CAMK2D: variants seen among roughly 807,000 people sequenced by gnomAD.
The protein encoded by CAMK2D is calcium/calmodulin-dependent protein kinase type II subunit delta.
In CAMK2D, 37 loss-of-function variants were observed where a neutral mutation model predicts 84.0. The ratio of observed to expected loss-of-function variants is 0.44; its 90% CI spans 0.34 to 0.58. The LOEUF (loss-of-function observed/expected upper bound fraction) is 0.58. Among genes scored for constraint, CAMK2D ranks in the 20% least tolerant of loss-of-function variants. CAMK2D has a pLI of 0.02. For synonymous variants in CAMK2D, 202 were observed against 212.5 expected (o/e 0.95, Z 0.43); for missense variants, 448 against 652.5 (o/e 0.69, Z 3.41).
intron 2 of CAMK2D, among the ~76,000 whole-genome samples, chr4:113,756,006 TTA>T (rs912598671): frequency 2.0e-5 from 3 of 151,992 alleles, no homozygotes; most frequent in East Asian, 1.9e-4. Context: ...ATAAGCCAAA[TTA>T]TATATGAGTG....
At chr4:113,566,040 A>AT (rs548239446) in intron 4 of CAMK2D, among the ~76,000 whole-genome samples, 108 of 152,164 alleles carry the variant, frequency 7.1e-4, no homozygotes, top group Non-Finnish European at 1.3e-3. Context: ...TGAAGTTATT[A>AT]TTTTTTCTTT....
chr4:113,612,749 C>T lies in CAMK2D; in HGVS notation c.221-3543G>A, dbSNP rs530941926. On this transcript the variant is annotated intron_variant, in intron 3 of 20. Transcript: ENST00000511664. Reference sequence around the variant, plus strand: ...TGTATGAATAAATGAATTTTCACAACCTGAAACAGCACAACAGTTCTCATC... The same window carrying T: ...TGTATGAATAAATGAATTTTCACAATCTGAAACAGCACAACAGTTCTCATC... Among the ~76,000 whole-genome samples, 23 of 152,266 alleles carry T rather than the reference C, an allele frequency of 1.5e-4. No homozygotes were observed. In the South Asian group the frequency reaches 4.8e-3, roughly 32 times the overall value.
chr4:113,501,155 T>C (rs1033485309), intron 15 of CAMK2D, among the ~76,000 whole-genome samples: 2 of 152,054 alleles, frequency 1.3e-5, no homozygotes, highest in African/African-American at 4.8e-5. Flanking sequence ...TTCATTCTTT[T>C]CAAAAATAGC....
intron 4 of CAMK2D, among the ~76,000 whole-genome samples, chr4:113,573,428 A>G (rs1030426171): frequency 1.3e-5 from 2 of 152,252 alleles, no homozygotes; most frequent in African/African-American, 4.8e-5. Flanking sequence ...ACATGACATG[A>G]AAGTTTTTAA....
chr4:113,731,513 T>A (rs957583147), intron 2 of CAMK2D, among the ~76,000 whole-genome samples: 1 of 152,106 alleles, frequency 6.6e-6, no homozygotes, highest in African/African-American at 2.4e-5. Flanking sequence ...AAACAAGTTT[T>A]CCTATCATTT....
At chr4:113,510,774 T>C (rs2154161637) in intron 12 of CAMK2D, among the ~76,000 whole-genome samples, 1 of 152,300 alleles carries the variant, frequency 6.6e-6, no homozygotes. Flanking sequence ...CTGACATTCA[T>C]TGATTTGGGC....
chr4:113,756,934 C>G (rs1389459396), intron 2 of CAMK2D, among the ~76,000 whole-genome samples: 1 of 152,004 alleles, frequency 6.6e-6, no homozygotes, highest in Non-Finnish European at 1.5e-5. Flanking sequence ...AATTGTTGAC[C>G]ATTTTGAAGG....
chr4:113,686,012 C>T (rs1033462979), intron 2 of CAMK2D, among the ~76,000 whole-genome samples: 4 of 151,240 alleles, frequency 2.6e-5, no homozygotes, highest in East Asian at 1.9e-4. Context: ...TGCAGTGAGC[C>T]GTGATCATGC....
At chr4:113,504,080 A>G (rs948737354) in intron 14 of CAMK2D, among the ~76,000 whole-genome samples, 4 of 152,208 alleles carry the variant, frequency 2.6e-5, no homozygotes, top group African/African-American at 9.6e-5. Context: ...ATGTTTTTAA[A>G]TGGAGCCTCA....
intron 16 of CAMK2D, among the ~76,000 whole-genome samples, chr4:113,482,245 T>C (rs1321980144): frequency 6.6e-6 from 1 of 152,188 alleles, no homozygotes; most frequent in Non-Finnish European, 1.5e-5. Flanking sequence ...GTTAGAGTGA[T>C]GGCAATGGAG....
At chr4:113,554,141 G>A (rs1050749852) in intron 4 of CAMK2D, among the ~76,000 whole-genome samples, 6 of 152,014 alleles carry the variant, frequency 3.9e-5, no homozygotes, top group Non-Finnish European at 8.8e-5. Flanking sequence ...ACCAGATCCT[G>A]GATCACTGGG....
chr4:113,721,492 T>C (rs981093817), intron 2 of CAMK2D, among the ~76,000 whole-genome samples: 5 of 152,138 alleles, frequency 3.3e-5, no homozygotes, highest in African/African-American at 1.2e-4. Context: ...ATATGTAACT[T>C]TGTCTAAGTC....
At chr4:113,508,224 A>C in intron 13 of CAMK2D, 1 of 1,538,720 alleles carries the variant, frequency 6.5e-7, no homozygotes, top group Non-Finnish European at 8.8e-7. Context: ...AATCTGGCAG[A>C]TAGATCCTCA....
Position 113,553,519 on chromosome 4 carries a change from T to A in CAMK2D, c.276-1423A>T, listed in dbSNP as rs576599839. Among the ~76,000 whole-genome samples, 49 of 152,354 alleles carry A rather than the reference T, an allele frequency of 3.2e-4. 1 individual carries two copies. The highest frequency in any genetic ancestry group is 2.9e-3 in the South Asian group (14 of 4,832). Reference sequence around the variant, plus strand: ...GATAGCATGTTTTAGAGATCACCAGTTAGTATTCTCTCCCTTATTCTCCTT... The same window carrying A: ...GATAGCATGTTTTAGAGATCACCAGATAGTATTCTCTCCCTTATTCTCCTT... On this transcript the variant is annotated intron_variant, in intron 4 of 20. Transcript: ENST00000511664.
chr4:113,739,987 C>A (rs1471414916), intron 2 of CAMK2D, among the ~76,000 whole-genome samples: 1 of 152,104 alleles, frequency 6.6e-6, no homozygotes, highest in African/African-American at 2.4e-5. Context: ...TTCAAAATAT[C>A]TAAACTATTC....
intron 2 of CAMK2D, among the ~76,000 whole-genome samples, chr4:113,749,792 C>T (rs975659607): frequency 2.6e-5 from 4 of 152,108 alleles, no homozygotes; most frequent in Non-Finnish European, 5.9e-5. Flanking sequence ...CTGAATTATA[C>T]AAAACTCTTT....
At chr4:113,633,539 T>C (rs2099098602) in intron 3 of CAMK2D, among the ~76,000 whole-genome samples, 1 of 152,156 alleles carries the variant, frequency 6.6e-6, no homozygotes, top group African/African-American at 2.4e-5. Flanking sequence ...ACTCATTCAG[T>C]TTACCAAACA....
At position 113,557,060 on chromosome 4, in the gene CAMK2D, A is replaced by G. The variant is rs142217920; in HGVS notation, c.276-4964T>C. On this transcript the variant is annotated intron_variant, in intron 4 of 20. Transcript: ENST00000511664. The stretch of plus-strand genomic sequence containing the variant: ...CACTTTTTCTATTATGTAGGTACAG[A>G]TCTCTAACTAAATCTTGCTGATTAT... 2.5e-3 allele frequency among the ~76,000 whole-genome samples: 385 copies of G among 152,206 alleles called. 2 individuals are homozygous for G. The highest frequency in any genetic ancestry group is 0.017 in the Middle Eastern group (5 of 294).
chr4:113,518,333 A>G (rs1425652204), intron 8 of CAMK2D, among the ~76,000 whole-genome samples: 2 of 152,180 alleles, frequency 1.3e-5, no homozygotes, highest in African/African-American at 4.8e-5. Context: ...CAATAAACAC[A>G]TGGCTGTAAT....
Sources: gnomAD v4.1 joint callset for allele counts (sites outside exome capture counted in the v4.1 genomes callset) on GRCh38, gnomAD v4.1.1 for gene constraint, MANE v1.5 for transcripts, NCBI Gene and HGNC (gene_info 2026-07-23, HGNC 2026-07-21) for gene names.